ROBO4: variants seen among roughly 807,000 people sequenced by gnomAD.
ROBO4 encodes roundabout guidance receptor 4, also known as roundabout homolog 4.
ROBO4 carries 80 observed loss-of-function variants against 103.3 expected under a neutral mutation model. The ratio of observed to expected loss-of-function variants is 0.77; its 90% CI spans 0.65 to 0.93. The LOEUF is 0.93. Ranked by LOEUF, ROBO4 falls within the 40% of genes least tolerant of loss-of-function variation. ROBO4 has a pLI of 0.00. For missense variants in ROBO4, 1,333 were observed against 1,305.3 expected, an observed-to-expected ratio of 1.02 and a Z score of -0.33; for synonymous variants, 504 against 529.7, an observed-to-expected ratio of 0.95 and a Z score of 0.67.
chr11:124,894,977 G>T (rs1565326779), intron 7 of ROBO4, 104 bp downstream of exon 7: 2 of 888,592 alleles, frequency 2.3e-6, no homozygotes, highest in South Asian at 1.5e-5. Flanking sequence ...TTGCTTCTCT[G>T]CCCAGGTACC....
intron 11 of ROBO4, 34 bp from the exon 12 acceptor site, chr11:124,891,596 G>A (rs1403285709): frequency 5.0e-6 from 8 of 1,614,214 alleles, no homozygotes; most frequent in East Asian, 2.2e-5. Context: ...ATTATGGTGA[G>A]CATGTCCTGC....
chr11:124,894,399 C>T, intron 7 of ROBO4, 30 bp from the exon 8 acceptor site: 3 of 1,592,600 alleles, frequency 1.9e-6, no homozygotes, highest in Non-Finnish European at 2.6e-6. Flanking sequence ...GAACAGCTTC[C>T]CCAGGCACCA....
intron 16 of ROBO4, among the ~76,000 whole-genome samples, chr11:124,885,888 T>C (rs906649632): frequency 5.9e-5 from 9 of 152,136 alleles, no homozygotes; most frequent in African/African-American, 2.2e-4. Context: ...GTTGGCTGCC[T>C]TTAGAACTGG....
Position 124,884,889 on chromosome 11 carries a change from G to C in ROBO4, c.*2C>G. The C allele has an allele frequency of 6.2e-7, 1 of 1,614,202 alleles. No individual in the cohort carries two copies. Among genetic ancestry groups the C allele is most frequent in the Non-Finnish European group, 8.5e-7 (1 of 1,180,024 alleles). ...CCGTCTGGGAAGTCTCAGGGACACGGTTCAGGAGTAATCTACAGGAGAAGC... is the reference window on the plus strand; with the variant it reads ...CCGTCTGGGAAGTCTCAGGGACACGCTTCAGGAGTAATCTACAGGAGAAGC... On this transcript the variant is annotated 3_prime_UTR_variant, in exon 18 of 18. Transcript: ENST00000306534.
Position 124,891,634 on chromosome 11 carries a change from G to T in ROBO4, c.1684+32C>A, listed in dbSNP as rs576962430. Reference sequence around the variant, plus strand: ...TCCATCCCTGAGATCACTGCCCCCAGCTAGGCCCTTGCCCCCACTGAGCAT... The same window carrying T: ...TCCATCCCTGAGATCACTGCCCCCATCTAGGCCCTTGCCCCCACTGAGCAT... On this transcript the variant is annotated intron_variant, in intron 11 of 17. Transcript: ENST00000306534. 168 of 1,614,198 alleles carry T rather than the reference G, an allele frequency of 1.0e-4. 1 individual carries two copies. Among genetic ancestry groups the T allele is most frequent in the Admixed American group, 8.0e-4 (48 of 60,026 alleles).
rs1417557885 is a variant in ROBO4, at chr11:124,884,243, C to A, written c.*648G>T. ...TCAAGTCTTTACCATTTTATGGTAT[C>A]AAATTTCTTAAGCTCATAGTGACAA... On this transcript the variant is annotated 3_prime_UTR_variant, in exon 18 of 18. Transcript: ENST00000306534. The A allele has an allele frequency of 6.6e-6, 1 of 152,290 alleles. No homozygotes were observed. The highest frequency in any genetic ancestry group is 2.4e-5 in the African/African-American group (1 of 41,450). The allele number at this position is 152,290 out of a possible 1,614,324, so 9.4% of individuals were successfully genotyped here.
Position 124,887,065 on chromosome 11 carries a change from A to T in ROBO4, c.2347T>A (p.Ser783Thr). The T allele has an allele frequency of 6.2e-7, 1 of 1,613,842 alleles. No homozygotes were observed. Among genetic ancestry groups the T allele is most frequent in the Non-Finnish European group, 8.5e-7 (1 of 1,179,844 alleles). Residue 783 changes from serine to threonine, a missense_variant, in exon 15 of 18, where the codon TCA (serine) becomes ACA (threonine). By Grantham distance (58) the Ser-to-Thr change is moderately conservative. Coordinates refer to ENST00000306534, the MANE Select transcript of ROBO4 (RefSeq NM_019055.6). The part of the protein sequence containing the change: ...ASSRLSSSSL[S>T]SLGEDQDSVL... ...CTGTCTTGATCCTCCCCCAGGGATGACAGTGAGGAGCTGGACAGGCGACTG... is the reference window on the plus strand; with the variant it reads ...CTGTCTTGATCCTCCCCCAGGGATGTCAGTGAGGAGCTGGACAGGCGACTG...
At chr11:124,885,691 C>CTA (rs985877784) in intron 16 of ROBO4, among the ~76,000 whole-genome samples, 3 of 151,918 alleles carry the variant, frequency 2.0e-5, no homozygotes, top group African/African-American at 7.3e-5. Flanking sequence ...AGACCCTGTA[C>CTA]TACCTTCTGC....
chr11:124,886,972 C>G lies in ROBO4; in HGVS notation c.2435+5G>C. On this transcript the variant is annotated splice_donor_5th_base_variant and intron_variant, in intron 15 of 17. Transcript: ENST00000306534. The stretch of plus-strand genomic sequence containing the variant: ...AGTTCTTTGGTTATCTCTCAAGCTA[C>G]TCACCTGGGAGTCTCCTCACCCTCA... The G allele has an allele frequency of 4.4e-6, 7 of 1,599,950 alleles. No homozygotes were observed. Among genetic ancestry groups the G allele is most frequent in the Non-Finnish European group, 5.1e-6 (6 of 1,169,990 alleles).
chr11:124,887,581 C>G, intron 13 of ROBO4, 82 bp from the exon 14 acceptor site: 1 of 1,579,110 alleles, frequency 6.3e-7, no homozygotes, highest in Non-Finnish European at 8.6e-7. Flanking sequence ...CCCACCAGCC[C>G]CCTTAGCTAC....
intron 17 of ROBO4, 43 bp downstream of exon 17, chr11:124,884,998 T>A: frequency 6.2e-7 from 1 of 1,613,506 alleles, no homozygotes; most frequent in South Asian, 1.1e-5. Flanking sequence ...CCAGAGGCCC[T>A]CTGGTCAAGA....
At chr11:124,887,871 C>T in intron 12 of ROBO4, 31 bp from the exon 13 acceptor site, 1 of 1,580,414 alleles carries the variant, frequency 6.3e-7, no homozygotes, top group Non-Finnish European at 8.6e-7. Flanking sequence ...GTTGTGGGGC[C>T]CAGGATGGAC....
At chr11:124,886,283 G>C in intron 16 of ROBO4, 181 bp downstream of exon 16, 1 of 571,586 alleles carries the variant, frequency 1.7e-6, no homozygotes, top group Non-Finnish European at 3.1e-6. Flanking sequence ...ATTAGGATAA[G>C]AGAGATAAAG....
chr11:124,895,850 T>A lies in ROBO4; in HGVS notation c.742A>T (p.Thr248Ser). ...LAVRIQLENV[T>S]LLNPDPAEGP... Reference sequence around the variant, plus strand: ...TCTGCAGGATCCGGGTTCAGCAGTGTCACATTTTCCAGCTGAATTCGCACA... The same window carrying A: ...TCTGCAGGATCCGGGTTCAGCAGTGACACATTTTCCAGCTGAATTCGCACA... The change falls in exon 5 of 18, where the codon ACA (threonine) becomes TCA (serine). Residue 248 changes from threonine to serine, a missense_variant. By Grantham distance (58) the Thr-to-Ser change is moderately conservative. Transcript: ENST00000306534. 1 of 1,614,100 alleles carries A rather than the reference T, an allele frequency of 6.2e-7. No individual in the cohort carries two copies. Among genetic ancestry groups the A allele is most frequent in the Non-Finnish European group, 8.5e-7 (1 of 1,180,010 alleles).
Position 124,884,693 on chromosome 11 carries a change from G to A in ROBO4, c.*198C>T, listed in dbSNP as rs1185178442. The A allele has an allele frequency of 1.6e-6, 1 of 637,128 alleles. No individual in the cohort carries two copies. The highest frequency in any genetic ancestry group is 2.7e-5 in the East Asian group (1 of 36,876). The allele number at this position is 637,128 out of a possible 1,614,324, so 39.5% of individuals were successfully genotyped here. Reference sequence around the variant, plus strand: ...GTGGAGATGATGTTTTGCTCCCTGAGGGCTCCAGGTCAGCTTTGCTCTAAT... The same window carrying A: ...GTGGAGATGATGTTTTGCTCCCTGAAGGCTCCAGGTCAGCTTTGCTCTAAT... On this transcript the variant is annotated 3_prime_UTR_variant, in exon 18 of 18. Transcript: ENST00000306534.
At chr11:124,895,945 T>C (rs757549936) in intron 4 of ROBO4, 33 bp from the exon 5 acceptor site, 1 of 1,611,426 alleles carries the variant, frequency 6.2e-7, no homozygotes, top group Non-Finnish European at 8.5e-7. Context: ...CTGGGGCTTA[T>C]AGGCCAGAGT....
Position 124,886,782 on chromosome 11 carries a change from TGGG to T in ROBO4, c.2473_2475del (p.Pro825del), listed in dbSNP as rs1156310820. On this transcript the variant is annotated inframe_deletion, in exon 16 of 18. Coordinates refer to ENST00000306534, the MANE Select transcript of ROBO4 (RefSeq NM_019055.6). ...GGGACGCTGATGTACCCATAGGTGGTGGGGGGTGAAGGAGCCCTTGGCATGGGA... is the reference window on the plus strand; with the variant it reads ...GGGACGCTGATGTACCCATAGGTGGTGGGTGAAGGAGCCCTTGGCATGGGA... The T allele has an allele frequency of 2.6e-6, 4 of 1,544,514 alleles. No homozygotes were observed. Among genetic ancestry groups the T allele is most frequent in the Non-Finnish European group, 3.5e-6 (4 of 1,143,302 alleles).
chr11:124,886,256 T>C (rs1449520630), intron 16 of ROBO4: 1 of 477,194 alleles, frequency 2.1e-6, no homozygotes, highest in Non-Finnish European at 3.7e-6. Flanking sequence ...TAAAATTATC[T>C]GACTTACAGT....
intron 3 of ROBO4, 97 bp from the exon 4 acceptor site, chr11:124,896,415 T>C: frequency 6.3e-7 from 1 of 1,592,338 alleles, no homozygotes; most frequent in Non-Finnish European, 8.6e-7. Context: ...CCTCAAATTC[T>C]ACCGGAGGAT....
Sources: allele counts gnomAD v4.1 joint callset (sites outside exome capture counted in the v4.1 genomes callset), GRCh38; gene constraint gnomAD v4.1.1; transcripts MANE v1.5; gene names NCBI Gene and HGNC (gene_info 2026-07-23, HGNC 2026-07-21).